The following AUTS2 variants were observed in gnomAD, a reference collection of about 807,000 sequenced individuals.
AUTS2 encodes the protein autism susceptibility gene 2 protein.
A neutral mutation model predicts 112.4 loss-of-function variants in AUTS2; 17 were observed. That is an observed-to-expected ratio of 0.15 (90% confidence interval 0.10 to 0.23). The LOEUF (loss-of-function observed/expected upper bound fraction) is 0.23. Ranked by LOEUF, AUTS2 falls within the 10% of genes least tolerant of loss-of-function variation. The pLI is 1.00. For synonymous variants in AUTS2, 751 were observed against 702.7 expected, an observed-to-expected ratio of 1.07 and a Z score of -1.09; for missense variants, 1,510 against 1,701.6, an observed-to-expected ratio of 0.89 and a Z score of 1.98.
chr7:70,499,081 C>T (rs964619729), intron 5 of AUTS2, among the ~76,000 whole-genome samples: 4 of 152,168 alleles, frequency 2.6e-5, no homozygotes, highest in African/African-American at 9.7e-5. Flanking sequence ...TTGCTGGGCA[C>T]TGAGGTGGCC....
chr7:70,629,885 G>C (rs1185248295), intron 5 of AUTS2, among the ~76,000 whole-genome samples: 2 of 151,660 alleles, frequency 1.3e-5, no homozygotes, highest in Non-Finnish European at 2.9e-5. Flanking sequence ...TATTGGATTT[G>C]TTTAATGAAA....
At chr7:70,634,381 C>T (rs939073047) in intron 5 of AUTS2, among the ~76,000 whole-genome samples, 2 of 152,192 alleles carry the variant, frequency 1.3e-5, no homozygotes, top group African/African-American at 2.4e-5. Flanking sequence ...TCCAGAATGT[C>T]GAGTGTCCTG....
At chr7:70,569,729 C>T (rs970537213) in intron 5 of AUTS2, among the ~76,000 whole-genome samples, 4 of 152,176 alleles carry the variant, frequency 2.6e-5, no homozygotes, top group Non-Finnish European at 4.4e-5. Context: ...AGATCATTGA[C>T]CACAGCTTGA....
chr7:70,481,657 G>A (rs1181389359), intron 5 of AUTS2, among the ~76,000 whole-genome samples: 2 of 152,072 alleles, frequency 1.3e-5, no homozygotes, highest in African/African-American at 2.4e-5. Context: ...CTTCTCTGTC[G>A]GCCACATCAA....
At chr7:70,253,007 A>G (rs1786680841) in intron 4 of AUTS2, among the ~76,000 whole-genome samples, 1 of 152,164 alleles carries the variant, frequency 6.6e-6, no homozygotes, top group African/African-American at 2.4e-5. Context: ...CTTGAAGTCT[A>G]GGTAACGTGA....
At chr7:70,733,722 A>G (rs913171393) in intron 6 of AUTS2, among the ~76,000 whole-genome samples, 32 of 151,980 alleles carry the variant, frequency 2.1e-4, no homozygotes, top group African/African-American at 7.5e-4. Context: ...AAGTAGCTGG[A>G]ACTACAGGCG....
chr7:70,593,015 CT>C (rs111474995), intron 5 of AUTS2, among the ~76,000 whole-genome samples: 1,466 of 145,226 alleles, frequency 0.01, 18 homozygotes, highest in African/African-American at 0.03. Context: ...ATGCTAGCTA[CT>C]TTTTTTTTTT....
chr7:70,519,150 T>C (rs548564981), intron 5 of AUTS2, among the ~76,000 whole-genome samples: 1 of 152,308 alleles, frequency 6.6e-6, no homozygotes, highest in African/African-American at 2.4e-5. Flanking sequence ...TTAAGAATAG[T>C]TGGGAACCTC....
chr7:70,246,485 C>G (rs1446935924), intron 4 of AUTS2, among the ~76,000 whole-genome samples: 1 of 152,050 alleles, frequency 6.6e-6, no homozygotes, highest in Admixed American at 6.6e-5. Context: ...TCTGATGGAC[C>G]AACTGTCATA....
chr7:70,070,401 C>T (rs944426875), intron 2 of AUTS2, among the ~76,000 whole-genome samples: 13 of 144,942 alleles, frequency 9.0e-5, no homozygotes, highest in Admixed American at 8.2e-4. Context: ...GGCAAAACCC[C>T]GTCTCTTAAA....
intron 4 of AUTS2, among the ~76,000 whole-genome samples, chr7:70,239,701 T>G (rs1812509002): frequency 6.6e-6 from 1 of 152,086 alleles, no homozygotes; most frequent in Non-Finnish European, 1.5e-5. Context: ...TCCCAAAGTG[T>G]TGGGATTACA....
intron 2 of AUTS2, among the ~76,000 whole-genome samples, chr7:70,080,784 C>G (rs886309113): frequency 2.0e-5 from 3 of 152,118 alleles, no homozygotes; most frequent in Non-Finnish European, 2.9e-5. Flanking sequence ...GGAAGGAAAC[C>G]TTTCTGATTA....
At chr7:70,515,786 A>G (rs938482219) in intron 5 of AUTS2, among the ~76,000 whole-genome samples, 1 of 152,058 alleles carries the variant, frequency 6.6e-6, no homozygotes, top group Admixed American at 6.5e-5. Context: ...AATCATGCAA[A>G]TTGGTCTAGG....
chr7:69,667,471 T>C, intron 1 of AUTS2, among the ~76,000 whole-genome samples: 1 of 150,866 alleles, frequency 6.6e-6, no homozygotes, highest in Admixed American at 6.6e-5. Flanking sequence ...TTCTCCTGCC[T>C]CAGCCTCCTG....
intron 18 of AUTS2, 28 bp from the exon 19 acceptor site, chr7:70,789,720 C>G (rs748143183): frequency 1.1e-5 from 17 of 1,595,938 alleles, no homozygotes; most frequent in Non-Finnish European, 1.4e-5. Flanking sequence ...ATTTCATCTG[C>G]GTCCTTGTCT....
chr7:69,744,180 ATGTACTACAG>A (rs1458792150), intron 1 of AUTS2, among the ~76,000 whole-genome samples: 3 of 152,084 alleles, frequency 2.0e-5, no homozygotes, highest in Non-Finnish European at 4.4e-5. Flanking sequence ...CCACTGTTGA[ATGTACTACAG>A]TGTGTTTAGC....
intron 2 of AUTS2, among the ~76,000 whole-genome samples, chr7:69,987,279 A>T (rs1372682178): frequency 2.0e-5 from 3 of 152,230 alleles, no homozygotes; most frequent in African/African-American, 7.2e-5. Context: ...TTAAAGACAT[A>T]TGACAGTGAA....
At chr7:69,915,807 C>G (rs1460222699) in intron 2 of AUTS2, among the ~76,000 whole-genome samples, 1 of 152,082 alleles carries the variant, frequency 6.6e-6, no homozygotes, top group Admixed American at 6.6e-5. Flanking sequence ...GCTCACTGTA[C>G]CCTCTGCCCC....
At chr7:70,549,736 A>T (rs1442762406) in intron 5 of AUTS2, among the ~76,000 whole-genome samples, 1 of 152,222 alleles carries the variant, frequency 6.6e-6, no homozygotes, top group East Asian at 1.9e-4. Context: ...CTCAGGTTTC[A>T]CAGTGCTCCT....
Sources: allele counts gnomAD v4.1 joint callset (sites outside exome capture counted in the v4.1 genomes callset), GRCh38; gene constraint gnomAD v4.1.1; transcripts MANE v1.5; gene names NCBI Gene and HGNC (gene_info 2026-07-23, HGNC 2026-07-21).